Variants in SEMA6D observed in about 807,000 individuals in gnomAD.
SEMA6D encodes semaphorin 6D, also known as semaphorin-6D.
SEMA6D carries 35 observed loss-of-function variants against 106.6 expected under a neutral mutation model. That is an observed-to-expected ratio of 0.33 (90% CI 0.25 to 0.44). The LOEUF is 0.44. Among genes scored for constraint, SEMA6D ranks in the 20% least tolerant of loss-of-function variants. SEMA6D has a pLI of 1.00. For synonymous variants in SEMA6D, 499 were observed against 487.7 expected, an observed-to-expected ratio of 1.02 and a Z score of -0.31; for missense variants, 1,185 against 1,345.9, an observed-to-expected ratio of 0.88 and a Z score of 1.87.
Position 47,761,489 on chromosome 15 carries a change from T to C in SEMA6D, c.447+58T>C, listed in dbSNP as rs576171821. 104 of 1,410,106 alleles carry C rather than the reference T, an allele frequency of 7.4e-5. 1 individual carries two copies. In the South Asian group the frequency reaches 1.1e-3, roughly 15 times the overall value. The allele number at this position is 1,410,106 out of a possible 1,614,324, so 87.3% of individuals were successfully genotyped here. On this transcript the variant is annotated intron_variant, in intron 6 of 18. Coordinates refer to ENST00000536845, the MANE Select transcript of SEMA6D (RefSeq NM_001358351.3). ...ATCAACTTTTCTCCCTTCACTGATA[T>C]GCTGTTAGAGTTGAAATCTTTCTGC...
At chr15:47,612,542 T>C (rs911569736) in intron 4 of SEMA6D, among the ~76,000 whole-genome samples, 13 of 152,188 alleles carry the variant, frequency 8.5e-5, no homozygotes, top group African/African-American at 2.9e-4. Flanking sequence ...TTCATAGTTA[T>C]TACTTCTTTT....
intron 2 of SEMA6D, among the ~76,000 whole-genome samples, chr15:47,446,527 G>A (rs2042034184): frequency 6.6e-6 from 1 of 152,138 alleles, no homozygotes; most frequent in Admixed American, 6.5e-5. Context: ...GCAAATGTAT[G>A]TTTAAACTCT....
intron 2 of SEMA6D, among the ~76,000 whole-genome samples, chr15:47,418,036 A>G (rs2041034068): frequency 6.6e-6 from 1 of 152,042 alleles, no homozygotes; most frequent in African/African-American, 2.4e-5. Context: ...GCCCATATAT[A>G]TTTTATATAT....
intron 1 of SEMA6D, among the ~76,000 whole-genome samples, chr15:47,217,172 T>G (rs2030698490): frequency 6.6e-6 from 1 of 152,198 alleles, no homozygotes; most frequent in Non-Finnish European, 1.5e-5. Flanking sequence ...CCGTGTATGG[T>G]ATTTTGTTAT....
At chr15:47,668,956 T>C (rs2078085903) in intron 4 of SEMA6D, among the ~76,000 whole-genome samples, 2 of 152,204 alleles carry the variant, frequency 1.3e-5, no homozygotes, top group Admixed American at 1.3e-4. Context: ...TTTTTTAGTT[T>C]TAAAAAAATT....
chr15:47,551,407 A>T (rs922518111), intron 3 of SEMA6D, among the ~76,000 whole-genome samples: 5 of 152,218 alleles, frequency 3.3e-5, no homozygotes, highest in Admixed American at 1.3e-4. Flanking sequence ...TTAGACTATG[A>T]CAAAAGGCCA....
In SEMA6D at chr15:47,249,634, A is replaced by G. The variant is rs183202444; in HGVS notation, c.-239+65216A>G. On this transcript the variant is annotated intron_variant, in intron 1 of 19. Coordinates refer to the SEMA6D transcript ENST00000558014. Reference sequence around the variant, plus strand: ...GTGGACTAGGAGCCTAAGTGTGCTGAATCTATTTCCCAGAAGGTGAAGGAA... The same window carrying G: ...GTGGACTAGGAGCCTAAGTGTGCTGGATCTATTTCCCAGAAGGTGAAGGAA... Among the ~76,000 whole-genome samples, 13 of 152,272 alleles carry G rather than the reference A, an allele frequency of 8.5e-5. No homozygotes were observed. In the East Asian group the frequency reaches 2.3e-3, roughly 27 times the overall value.
chr15:47,380,929 A>T (rs544611422), intron 1 of SEMA6D, among the ~76,000 whole-genome samples: 1 of 152,368 alleles, frequency 6.6e-6, no homozygotes, highest in Non-Finnish European at 1.5e-5. Flanking sequence ...AGGTGATCAT[A>T]CTTCACCCAT....
intron 1 of SEMA6D, among the ~76,000 whole-genome samples, chr15:47,289,132 A>G (rs1029916132): frequency 6.6e-6 from 1 of 152,002 alleles, no homozygotes; most frequent in Non-Finnish European, 1.5e-5. Flanking sequence ...GTGAGCTAAC[A>G]CGCCTGTAAT....
chr15:47,472,422 G>A (rs2042878402), intron 3 of SEMA6D, among the ~76,000 whole-genome samples: 1 of 152,224 alleles, frequency 6.6e-6, no homozygotes, highest in Admixed American at 6.5e-5. Context: ...CACAAGAGCA[G>A]GAGCAATTTA....
At chr15:47,694,561 G>A (rs1469113487) in intron 4 of SEMA6D, among the ~76,000 whole-genome samples, 3 of 152,006 alleles carry the variant, frequency 2.0e-5, no homozygotes, top group African/African-American at 7.2e-5. Context: ...GCCTGCTTGG[G>A]TGAAACATAT....
chr15:47,215,158 C>A (rs909233817), intron 1 of SEMA6D, among the ~76,000 whole-genome samples: 2 of 60,906 alleles, frequency 3.3e-5, no homozygotes, highest in Non-Finnish European at 6.8e-5. Flanking sequence ...TTCAAACAAA[C>A]ATCTGCTGTT....
At chr15:47,194,061 A>G (rs1357830766) in intron 1 of SEMA6D, among the ~76,000 whole-genome samples, 1 of 151,090 alleles carries the variant, frequency 6.6e-6, no homozygotes, top group Non-Finnish European at 1.5e-5. Flanking sequence ...GTGAGTGGGT[A>G]GGTGGATGGA....
At chr15:47,625,905 A>C (rs925880527) in intron 4 of SEMA6D, among the ~76,000 whole-genome samples, 1 of 152,160 alleles carries the variant, frequency 6.6e-6, no homozygotes, top group African/African-American at 2.4e-5. Flanking sequence ...GATCACTTTC[A>C]TAATCCTAAA....
chr15:47,431,287 A>T (rs916910602), intron 2 of SEMA6D, among the ~76,000 whole-genome samples: 3 of 152,236 alleles, frequency 2.0e-5, no homozygotes, highest in Middle Eastern at 3.4e-3. Flanking sequence ...ATTAAATTAA[A>T]TAATAAACCA....
At chr15:47,317,489 A>G (rs952985400) in intron 1 of SEMA6D, among the ~76,000 whole-genome samples, 2 of 152,036 alleles carry the variant, frequency 1.3e-5, no homozygotes, top group Non-Finnish European at 2.9e-5. Context: ...CACATTTTCA[A>G]TCTATATCAT....
At chr15:47,534,113 A>C (rs1346053603) in intron 3 of SEMA6D, among the ~76,000 whole-genome samples, 1 of 152,134 alleles carries the variant, frequency 6.6e-6, no homozygotes, top group Non-Finnish European at 1.5e-5. Flanking sequence ...AAAGAAGGAC[A>C]CTGAGAATGT....
rs969997304 is a variant in SEMA6D, at chr15:47,771,865, A to G, written c.*80A>G. Reference sequence around the variant, plus strand: ...TGATGTTGTAAGGGTACCTTAAAACAAGAGACTCGCTTGTATTTTAAGAGA... The same window carrying G: ...TGATGTTGTAAGGGTACCTTAAAACGAGAGACTCGCTTGTATTTTAAGAGA... On this transcript the variant is annotated 3_prime_UTR_variant, in exon 19 of 19. Transcript: ENST00000536845. The G allele has an allele frequency of 7.2e-7, 1 of 1,382,572 alleles. No individual in the cohort carries two copies. Among genetic ancestry groups the G allele is most frequent in the Non-Finnish European group, 9.9e-7 (1 of 1,009,694 alleles). 85.6% of individuals were successfully genotyped at this position (1,382,572 alleles called of 1,614,324 possible).
chr15:47,762,252 T>A lies in SEMA6D; in HGVS notation c.591T>A (p.Val197=). 1 of 1,613,664 alleles carries A rather than the reference T, an allele frequency of 6.2e-7. No individual in the cohort carries two copies. The highest frequency in any genetic ancestry group is 2.2e-5 in the East Asian group (1 of 44,862). The change falls in exon 8 of 19, where the codon GTT becomes GTA. Residue 197 remains valine (V), a synonymous_variant. Transcript: ENST00000536845. ...TVADFLASDA[V]IYRSMGDGSA... ...CTGACTTCTTGGCCAGCGATGCCGT[T>A]ATTTATCGAAGCATGGGTGATGGAT...
Sources: gnomAD v4.1 joint callset for allele counts (sites outside exome capture counted in the v4.1 genomes callset) on GRCh38, gnomAD v4.1.1 for gene constraint, MANE v1.5 for transcripts, NCBI Gene and HGNC (gene_info 2026-07-23, HGNC 2026-07-21) for gene names.